ATP11C: variants seen among roughly 807,000 people sequenced by gnomAD.
ATP11C encodes the protein ATPase phospholipid transporting 11C (ATP11C blood group).
A neutral mutation model predicts 97.4 loss-of-function variants in ATP11C; 36 were observed. The observed-to-expected ratio is 0.37, with a 90% CI of 0.28 to 0.49. The LOEUF is 0.49. Ranked by LOEUF, ATP11C falls within the 20% of genes least tolerant of loss-of-function variation. The probability of loss-of-function intolerance (pLI) is 0.98; values close to 1 mark genes in which losing one functional copy is unlikely to be tolerated. For synonymous variants in ATP11C, 275 were observed against 290.9 expected, an observed-to-expected ratio of 0.95 and a Z score of 0.56; for missense variants, 730 against 824.6, an observed-to-expected ratio of 0.89 and a Z score of 1.40.
In ATP11C at chrX:139,770,716, A is replaced by G. The variant is rs779247756; in HGVS notation, c.2217-2282T>C. ...AGTCTGAACCCTGTGTAAGTAAGTA[A>G]AGACTGTGCCCGACTCCAAACAAAT... On this transcript the variant is annotated intron_variant, in intron 19 of 29. Transcript: ENST00000682941. Among the ~76,000 whole-genome samples the G allele has an allele frequency of 2.7e-5, 3 of 111,057 alleles. No individual in the cohort carries two copies. The South Asian group carries it at 1.2e-3, about 43-fold the overall frequency.
At chrX:139,845,301 C>A (rs989490089) in intron 1 of ATP11C, among the ~76,000 whole-genome samples, 1 of 112,098 alleles carries the variant, frequency 8.9e-6, no homozygotes, top group Non-Finnish European at 1.9e-5. Context: ...CAACGTGGAA[C>A]AGAACTAAAT....
At chrX:139,924,038 T>C in intron 1 of ATP11C, 1 of 317,797 alleles carries the variant, frequency 3.1e-6, no homozygotes, top group Admixed American at 2.7e-5. Context: ...CCAAAAGGTA[T>C]AGAATGGGAT....
At chrX:139,910,834 C>A (rs1415847734) in intron 1 of ATP11C, among the ~76,000 whole-genome samples, 1 of 108,550 alleles carries the variant, frequency 9.2e-6, no homozygotes, top group African/African-American at 3.4e-5. Flanking sequence ...AAAAAAAAAA[C>A]CCTCTTTAAA....
chrX:139,759,609 G>A (rs1603348536), intron 22 of ATP11C, among the ~76,000 whole-genome samples: 2 of 111,677 alleles, frequency 1.8e-5, no homozygotes, highest in African/African-American at 3.3e-5. Context: ...GAAGTACTCC[G>A]GGAGTGGGCA....
intron 1 of ATP11C, among the ~76,000 whole-genome samples, chrX:139,844,238 A>G (rs1339068462): frequency 1.8e-5 from 2 of 112,495 alleles, no homozygotes; most frequent in African/African-American, 3.2e-5. Flanking sequence ...AATGCTTGCA[A>G]AAAGGAAAGA....
intron 1 of ATP11C, among the ~76,000 whole-genome samples, chrX:139,848,109 A>T (rs963593293): frequency 9.0e-6 from 1 of 111,484 alleles, no homozygotes; most frequent in Admixed American, 9.5e-5. Flanking sequence ...TATAGTTCTC[A>T]GACTTCTTAT....
At chrX:139,860,507 A>ATT (rs1477518837) in intron 1 of ATP11C, among the ~76,000 whole-genome samples, 5 of 111,926 alleles carry the variant, frequency 4.5e-5, no homozygotes, top group African/African-American at 1.3e-4. Flanking sequence ...GAGGTTCGAA[A>ATT]TGTGTTACTT....
intron 1 of ATP11C, among the ~76,000 whole-genome samples, chrX:139,860,507 ATG>A (rs2084170127): frequency 8.9e-6 from 1 of 111,926 alleles, no homozygotes; most frequent in Non-Finnish European, 1.9e-5. Context: ...GAGGTTCGAA[ATG>A]TGTTACTTCA....
intron 1 of ATP11C, among the ~76,000 whole-genome samples, chrX:139,842,625 C>T (rs1200525394): frequency 1.8e-5 from 2 of 112,342 alleles, no homozygotes; most frequent in African/African-American, 6.5e-5. Flanking sequence ...TAAGTAAATA[C>T]AGAAGAAAGG....
At chrX:139,771,493 G>A (rs2082253842) in intron 19 of ATP11C, among the ~76,000 whole-genome samples, 1 of 111,743 alleles carries the variant, frequency 8.9e-6, no homozygotes, top group Non-Finnish European at 1.9e-5. Flanking sequence ...GGCAGAGGCT[G>A]GGACAGTTTG....
intron 1 of ATP11C, among the ~76,000 whole-genome samples, chrX:139,849,881 A>C (rs1465620419): frequency 8.9e-6 from 1 of 112,214 alleles, no homozygotes; most frequent in African/African-American, 3.2e-5. Context: ...GTGGATTGTT[A>C]TGAAAGCAAG....
intron 1 of ATP11C, among the ~76,000 whole-genome samples, chrX:139,833,691 T>TA (rs1273731448): frequency 3.9e-4 from 42 of 108,094 alleles, no homozygotes; most frequent in Admixed American, 9.9e-4. Context: ...CCCATCTCTT[T>TA]AAAAAAAAAC....
At chrX:139,747,388 G>T (rs1347391201) in intron 24 of ATP11C, among the ~76,000 whole-genome samples, 1 of 111,283 alleles carries the variant, frequency 9.0e-6, no homozygotes, top group Non-Finnish European at 1.9e-5. Context: ...AGCTGCATTC[G>T]AATAAAGAAG....
intron 27 of ATP11C, among the ~76,000 whole-genome samples, chrX:139,740,721 G>C (rs2081537315): frequency 9.0e-6 from 1 of 111,078 alleles, no homozygotes; most frequent in African/African-American, 3.3e-5. Context: ...TTTCACTAGA[G>C]AGATGTTTAC....
At chrX:139,774,997 C>G in intron 18 of ATP11C, 44 bp from the exon 19 acceptor site, 4 of 1,146,295 alleles carry the variant, frequency 3.5e-6, no homozygotes, top group Non-Finnish European at 3.5e-6. Flanking sequence ...AAACTCCTGA[C>G]AAAGATTCTA....
intron 1 of ATP11C, among the ~76,000 whole-genome samples, chrX:139,867,618 G>C (rs941161996): frequency 1.8e-5 from 2 of 111,862 alleles, no homozygotes; most frequent in Non-Finnish European, 3.8e-5. Flanking sequence ...CCCAAACTCA[G>C]GGGTCAGCAG....
chrX:139,769,265 CT>C (rs1418762618), intron 19 of ATP11C, among the ~76,000 whole-genome samples: 2 of 68,830 alleles, frequency 2.9e-5, no homozygotes, highest in Non-Finnish European at 5.3e-5. Flanking sequence ...AGACAAATGG[CT>C]TTGGGGCAAA....
At chrX:139,731,539 A>G (rs1233997376) in intron 29 of ATP11C, 112 bp downstream of exon 29, 1 of 342,823 alleles carries the variant, frequency 2.9e-6, no homozygotes, top group Admixed American at 4.3e-5. Context: ...AATATTGTAA[A>G]GTTCACCACA....
intron 5 of ATP11C, among the ~76,000 whole-genome samples, chrX:139,813,312 A>G (rs1201626121): frequency 8.9e-6 from 1 of 112,387 alleles, no homozygotes; most frequent in African/African-American, 3.2e-5. Flanking sequence ...AAGAACTCCC[A>G]TTCATTGTTG....
Sources: gnomAD v4.1 joint callset for allele counts (sites outside exome capture counted in the v4.1 genomes callset) on GRCh38, gnomAD v4.1.1 for gene constraint, MANE v1.5 for transcripts, NCBI Gene and HGNC (gene_info 2026-07-23, HGNC 2026-07-21) for gene names.